ACBD6: variants seen among roughly 807,000 people sequenced by gnomAD.
The protein encoded by ACBD6 is acyl-CoA binding domain containing 6.
Under a neutral mutation model 37.2 loss-of-function variants are expected in ACBD6, and 28 were observed. The ratio of observed to expected loss-of-function variants is 0.75; its 90% CI spans 0.56 to 1.03. The LOEUF is 1.03. Ranked by LOEUF, ACBD6 falls within the 50% of genes least tolerant of loss-of-function variation. The pLI, the probability that ACBD6 is intolerant of heterozygous loss-of-function variation, is 0.00. For synonymous variants in ACBD6, 113 were observed against 126.8 expected, an observed-to-expected ratio of 0.89 and a Z score of 0.73; for missense variants, 340 against 337.4, an observed-to-expected ratio of 1.01 and a Z score of -0.06.
At chr1:180,300,631 T>C (rs1014978625) in intron 7 of ACBD6, among the ~76,000 whole-genome samples, 12 of 152,166 alleles carry the variant, frequency 7.9e-5, no homozygotes, top group African/African-American at 2.4e-4. Flanking sequence ...TTTTAACATA[T>C]ATGTCATTTG....
rs558203105 is a variant in ACBD6, at chr1:180,353,267, T to C, written c.664-38545A>G. Among the ~76,000 whole-genome samples the C allele has an allele frequency of 3.3e-5, 5 of 152,334 alleles. No homozygotes were observed. In the East Asian group the frequency reaches 9.6e-4, roughly 29 times the overall value. ...AAATTCTTTTTGGAATATTCTTATGTAATGTAGATAGAAAATAATAAAATT... is the reference window on the plus strand; with the variant it reads ...AAATTCTTTTTGGAATATTCTTATGCAATGTAGATAGAAAATAATAAAATT... On this transcript the variant is annotated intron_variant, in intron 6 of 7. Coordinates refer to ENST00000367595, the MANE Select transcript of ACBD6 (RefSeq NM_032360.4).
chr1:180,277,818 G>A (rs1649124474), intron 9 of ACBD6: 1 of 150,986 alleles, frequency 6.6e-6, no homozygotes, highest in Non-Finnish European at 1.5e-5. Flanking sequence ...GAAACATCAG[G>A]GAAAGAGGAA....
At chr1:180,500,253 T>C (rs1170062376) in intron 1 of ACBD6, among the ~76,000 whole-genome samples, 2 of 152,152 alleles carry the variant, frequency 1.3e-5, no homozygotes, top group Non-Finnish European at 2.9e-5. Context: ...TACACATTTT[T>C]AATAAAACAA....
At chr1:180,399,785 T>C (rs1647268619) in intron 5 of ACBD6, among the ~76,000 whole-genome samples, 1 of 152,250 alleles carries the variant, frequency 6.6e-6, no homozygotes, top group African/African-American at 2.4e-5. Context: ...CATGTTATTG[T>C]TTCACAGCAT....
chr1:180,382,894 A>C (rs529267020), intron 6 of ACBD6, among the ~76,000 whole-genome samples: 1 of 152,372 alleles, frequency 6.6e-6, no homozygotes, highest in South Asian at 2.1e-4. Context: ...GGTCCAACAT[A>C]CACAAATTAA....
chr1:180,308,907 A>G (rs935346257), intron 7 of ACBD6, among the ~76,000 whole-genome samples: 1 of 152,230 alleles, frequency 6.6e-6, no homozygotes, highest in Non-Finnish European at 1.5e-5. Flanking sequence ...AGGCATTCAA[A>G]TATTTGTTGA....
At chr1:180,305,989 A>C (rs1193276067) in intron 7 of ACBD6, among the ~76,000 whole-genome samples, 1 of 151,758 alleles carries the variant, frequency 6.6e-6, no homozygotes, top group African/African-American at 2.4e-5. Context: ...GCAGCAAACT[A>C]TCGCAAGGAC....
intron 6 of ACBD6, among the ~76,000 whole-genome samples, chr1:180,396,222 G>C (rs976436136): frequency 1.3e-5 from 2 of 152,044 alleles, no homozygotes; most frequent in Non-Finnish European, 2.9e-5. Flanking sequence ...GATGGGTGCT[G>C]GTGATGGGCA....
rs1241485719 is a variant in ACBD6 at position 180,502,077 on chromosome 1, G to T, written c.190C>A (p.Gln64Lys). The T allele has an allele frequency of 1.9e-6, 3 of 1,613,694 alleles. No homozygotes were observed. Among genetic ancestry groups the T allele is most frequent in the Non-Finnish European group, 2.5e-6 (3 of 1,179,892 alleles). Reference sequence around the variant, plus strand: ...TACCTGGCATACAGGTACAAGAGCTGCTCCCTGCTGGCCACCTGAATCAGG... The same window carrying T: ...TACCTGGCATACAGGTACAAGAGCTTCTCCCTGCTGGCCACCTGAATCAGG... ...QGLIQVASRE[Q>K]LLYLYARYKQ... The change falls in exon 1 of 8, where the codon CAG becomes AAG. Residue 64 changes from glutamine to lysine, a missense_variant. By Grantham distance (53) the Gln-to-Lys change is moderately conservative. Coordinates refer to ENST00000367595, the MANE Select transcript of ACBD6 (RefSeq NM_032360.4).
At chr1:180,483,522 G>A (rs1651138761) in intron 3 of ACBD6, among the ~76,000 whole-genome samples, 1 of 152,000 alleles carries the variant, frequency 6.6e-6, no homozygotes, top group African/African-American at 2.4e-5. Context: ...CCAGCCCCTA[G>A]AACTACAACT....
intron 4 of ACBD6, among the ~76,000 whole-genome samples, chr1:180,417,178 A>C (rs1648132836): frequency 6.6e-6 from 1 of 152,152 alleles, no homozygotes; most frequent in Admixed American, 6.5e-5. Context: ...ATTTTAAGTG[A>C]CTCAATTTCC....
intron 6 of ACBD6, among the ~76,000 whole-genome samples, chr1:180,394,391 G>GT (rs201149746): frequency 0.17 from 24,892 of 146,586 alleles, 2,009 homozygotes; most frequent in Middle Eastern, 0.23. Flanking sequence ...CATCTGGCCA[G>GT]TTTTTTTTTT....
intron 4 of ACBD6, among the ~76,000 whole-genome samples, chr1:180,428,102 A>G (rs1648667528): frequency 6.6e-6 from 1 of 152,136 alleles, no homozygotes; most frequent in South Asian, 2.1e-4. Flanking sequence ...AACAGCTTTC[A>G]ATGGCTTGCT....
At chr1:180,440,552 T>C (rs1203627670) in intron 3 of ACBD6, among the ~76,000 whole-genome samples, 2 of 152,158 alleles carry the variant, frequency 1.3e-5, no homozygotes, top group Non-Finnish European at 2.9e-5. Context: ...CCACAACATA[T>C]TTGTTATTCC....
intron 6 of ACBD6, among the ~76,000 whole-genome samples, chr1:180,365,016 A>G (rs1653003743): frequency 6.6e-6 from 1 of 152,156 alleles, no homozygotes; most frequent in Non-Finnish European, 1.5e-5. Context: ...TACGGGCATG[A>G]GCCACCGCGC....
chr1:180,438,026 G>A (rs557410411), intron 3 of ACBD6, among the ~76,000 whole-genome samples: 1 of 152,298 alleles, frequency 6.6e-6, no homozygotes, highest in Middle Eastern at 3.4e-3. Flanking sequence ...CAGGAGATGA[G>A]TGGCGGTTGA....
intron 3 of ACBD6, among the ~76,000 whole-genome samples, chr1:180,451,466 G>A (rs1454425805): frequency 6.6e-6 from 1 of 152,186 alleles, no homozygotes; most frequent in East Asian, 1.9e-4. Context: ...CCAAAAGGTG[G>A]AAAGAACCCA....
At chr1:180,437,780 T>C (rs114907455) in intron 3 of ACBD6, among the ~76,000 whole-genome samples, 228 of 152,242 alleles carry the variant, frequency 1.5e-3, no homozygotes, top group African/African-American at 5.3e-3. Flanking sequence ...AACAAGGTTA[T>C]AATTTGGAAT....
chr1:180,358,322 T>C (rs1652705962), intron 6 of ACBD6, among the ~76,000 whole-genome samples: 3 of 151,950 alleles, frequency 2.0e-5, no homozygotes, highest in East Asian at 3.9e-4. Context: ...AGCTACTCAG[T>C]TGGCTGAGGC....
Sources: allele counts gnomAD v4.1 joint callset (sites outside exome capture counted in the v4.1 genomes callset), GRCh38; gene constraint gnomAD v4.1.1; transcripts MANE v1.5; gene names NCBI Gene and HGNC (gene_info 2026-07-23, HGNC 2026-07-21).